The following ANKRD27 variants were observed in gnomAD, a reference collection of about 807,000 sequenced individuals.
The protein encoded by ANKRD27 is ankyrin repeat domain-containing protein 27.
In ANKRD27, 112 loss-of-function variants were observed where a neutral mutation model predicts 129.7. That is an observed-to-expected ratio of 0.86 (90% CI 0.74 to 1.01). ANKRD27 has a LOEUF of 1.01. ANKRD27 is among the 50% of genes least tolerant of loss of function. ANKRD27 has a pLI of 0.00. For synonymous variants in ANKRD27, 516 were observed against 511.2 expected (o/e 1.01, Z -0.13); for missense variants, 1,258 against 1,300.5 (o/e 0.97, Z 0.50).
At chr19:32,602,210 A>T in intron 25 of ANKRD27, 84 bp from the exon 26 acceptor site, 1 of 879,638 alleles carries the variant, frequency 1.1e-6, no homozygotes, top group Non-Finnish European at 1.8e-6. Context: ...AAATGTCAGT[A>T]TTAGTGTGAC....
intron 12 of ANKRD27, chr19:32,639,127 G>A (rs1419733510): frequency 3.2e-5 from 18 of 554,630 alleles, no homozygotes. Flanking sequence ...TAATGAAGTA[G>A]GATATTAACA....
chr19:32,633,847 C>G (rs1967043561), intron 12 of ANKRD27, among the ~76,000 whole-genome samples: 1 of 151,448 alleles, frequency 6.6e-6, no homozygotes, highest in South Asian at 2.1e-4. Flanking sequence ...AATAGCGAGA[C>G]CTCATCTCTA....
chr19:32,622,419 T>C lies in ANKRD27; in HGVS notation c.1827+3A>G, dbSNP rs768183731. ...CTTGCCCCTCAGAGATGGGAAGAGC[T>C]ACCTTTGAGTTTAATGCACACTTGA... is the stretch of plus-strand genomic sequence containing the variant. On this transcript the variant is annotated splice_donor_region_variant and intron_variant, in intron 18 of 28. Transcript: ENST00000306065. The C allele has an allele frequency of 5.6e-6, 9 of 1,613,644 alleles. No individual in the cohort carries two copies. Among genetic ancestry groups the C allele is most frequent in the Non-Finnish European group, 7.6e-6 (9 of 1,179,942 alleles).
At chr19:32,622,991 T>C (rs1247019898) in intron 17 of ANKRD27, among the ~76,000 whole-genome samples, 1 of 150,004 alleles carries the variant, frequency 6.7e-6, no homozygotes, top group Non-Finnish European at 1.5e-5. Flanking sequence ...AGGGTCTCAC[T>C]CTGTTGCCCA....
intron 26 of ANKRD27, among the ~76,000 whole-genome samples, chr19:32,601,183 T>A (rs545833206): frequency 6.6e-6 from 1 of 151,870 alleles, no homozygotes; most frequent in Non-Finnish European, 1.5e-5. Context: ...CCTGTAATCC[T>A]AGCTACTCGG....
chr19:32,642,883 A>G (rs1599760554), intron 9 of ANKRD27, among the ~76,000 whole-genome samples: 1 of 152,004 alleles, frequency 6.6e-6, no homozygotes, highest in Non-Finnish European at 1.5e-5. Flanking sequence ...GCTGCACAAA[A>G]CCCCGTGCCC....
chr19:32,607,538 A>G, intron 23 of ANKRD27, 97 bp downstream of exon 23: 1 of 1,415,130 alleles, frequency 7.1e-7, no homozygotes, highest in Admixed American at 2.2e-5. Context: ...AGTGTCCTCC[A>G]GGGTAGCCAC....
chr19:32,613,499 G>A (rs923313967), intron 22 of ANKRD27, among the ~76,000 whole-genome samples: 2 of 152,078 alleles, frequency 1.3e-5, no homozygotes, highest in Admixed American at 6.6e-5. Context: ...ATGTTTGTTC[G>A]TGGCAGTTTT....
intron 20 of ANKRD27, among the ~76,000 whole-genome samples, chr19:32,618,716 T>C (rs1442539568): frequency 6.6e-6 from 1 of 151,994 alleles, no homozygotes; most frequent in African/African-American, 2.4e-5. Context: ...TCGAAGGTGG[T>C]ACATCCATTC....
chr19:32,618,572 A>G (rs1169864409), intron 20 of ANKRD27, among the ~76,000 whole-genome samples: 1 of 152,064 alleles, frequency 6.6e-6, no homozygotes, highest in Non-Finnish European at 1.5e-5. Context: ...ACTCTGGACC[A>G]TGTCTCTTGG....
At chr19:32,606,585 C>A in intron 23 of ANKRD27, among the ~76,000 whole-genome samples, 1 of 152,174 alleles carries the variant, frequency 6.6e-6, no homozygotes, top group Non-Finnish European at 1.5e-5. Context: ...TCACTTCACC[C>A]GATGTGCTGG....
At position 32,628,828 on chromosome 19, in the gene ANKRD27, T is replaced by G; in HGVS notation, c.1231A>C (p.Lys411Gln). The G allele has an allele frequency of 6.2e-7, 1 of 1,614,162 alleles. No individual in the cohort carries two copies. Among genetic ancestry groups the G allele is most frequent in the Non-Finnish European group, 8.5e-7 (1 of 1,180,010 alleles). ...TGGCTCAGAAGTCTCTCCACTTCTT[T>G]CTGGTTACCTGATGCAATGTGCTGA... The part of the protein sequence containing the change: ...LFKHIASGNQ[K>Q]EVERLLSQED... The change falls in exon 14 of 29, where the codon AAA (lysine) becomes CAA (glutamine). Residue 411 changes from lysine to glutamine, a missense_variant. Lys to Gln is a moderately conservative substitution (Grantham distance 53, BLOSUM62 1). Coordinates refer to ENST00000306065, the MANE Select transcript of ANKRD27 (RefSeq NM_032139.3).
intron 1 of ANKRD27, among the ~76,000 whole-genome samples, chr19:32,665,356 C>G (rs1233252021): frequency 1.3e-5 from 2 of 150,250 alleles, no homozygotes; most frequent in Non-Finnish European, 2.9e-5. Context: ...GTGGCACAAT[C>G]TCAGCTCACT....
At chr19:32,668,638 A>G (rs1490640513) in intron 1 of ANKRD27, among the ~76,000 whole-genome samples, 1 of 151,374 alleles carries the variant, frequency 6.6e-6, no homozygotes. Flanking sequence ...ATGCCTAGCT[A>G]ATTTTTTTTT....
At chr19:32,666,131 G>T (rs936271254) in intron 1 of ANKRD27, among the ~76,000 whole-genome samples, 1 of 152,178 alleles carries the variant, frequency 6.6e-6, no homozygotes, top group Non-Finnish European at 1.5e-5. Flanking sequence ...CTTCTTCGAT[G>T]TCCTCCGACT....
chr19:32,659,706 G>C (rs1454869226), intron 1 of ANKRD27, among the ~76,000 whole-genome samples: 6 of 152,008 alleles, frequency 3.9e-5, no homozygotes, highest in African/African-American at 1.2e-4. Flanking sequence ...CCAGAATTAA[G>C]GAATCGTCAC....
chr19:32,665,695 G>A (rs1023084325), intron 1 of ANKRD27, among the ~76,000 whole-genome samples: 4 of 151,868 alleles, frequency 2.6e-5, no homozygotes, highest in African/African-American at 7.3e-5. Context: ...TCCTGACCTC[G>A]TGATCCGCCC....
At position 32,611,639 on chromosome 19, in the gene ANKRD27, T is replaced by C. The variant is rs1971836817; in HGVS notation, c.2176-3807A>G. ...TCTTGTTCCCCAGGCTAGAGTGCAA[T>C]GGCACGATCTCGGCTCACCGCAACC... On this transcript the variant is annotated intron_variant, in intron 22 of 28. Coordinates refer to ENST00000306065, the MANE Select transcript of ANKRD27 (RefSeq NM_032139.3). Among the ~76,000 whole-genome samples, 3 of 152,376 alleles carry C rather than the reference T, an allele frequency of 2.0e-5. No homozygotes were observed. The South Asian group carries it at 6.2e-4, about 32-fold the overall frequency.
chr19:32,667,358 T>C (rs1270554401), intron 1 of ANKRD27, among the ~76,000 whole-genome samples: 2 of 152,234 alleles, frequency 1.3e-5, no homozygotes. Context: ...TTTATAAAAA[T>C]GTATTTTCCT....
Sources: allele counts gnomAD v4.1 joint callset (sites outside exome capture counted in the v4.1 genomes callset), GRCh38; gene constraint gnomAD v4.1.1; transcripts MANE v1.5; gene names NCBI Gene and HGNC (gene_info 2026-07-23, HGNC 2026-07-21).